Variants in ZC3H6 observed in about 807,000 individuals in gnomAD.
The protein encoded by ZC3H6 is zinc finger CCCH domain-containing protein 6.
A neutral mutation model predicts 107.7 loss-of-function variants in ZC3H6; 40 were observed. The ratio of observed to expected loss-of-function variants is 0.37; its 90% confidence interval spans 0.29 to 0.48. The LOEUF is 0.48. Among genes scored for constraint, ZC3H6 ranks in the 20% least tolerant of loss-of-function variants. ZC3H6 has a pLI of 0.98. For synonymous variants in ZC3H6, 493 were observed against 487.9 expected (o/e 1.01, Z -0.14); for missense variants, 1,267 against 1,410.4 (o/e 0.90, Z 1.63).
At position 112,335,789 on chromosome 2, in the gene ZC3H6, T is replaced by A. The variant is rs1290328992; in HGVS notation, c.*3301T>A. 6.6e-6 allele frequency: 1 copy of A among 152,168 alleles called. No homozygotes were observed. Among genetic ancestry groups the A allele is most frequent in the East Asian group, 1.9e-4 (1 of 5,200 alleles). 9.4% of individuals were successfully genotyped at this position (152,168 alleles called of 1,614,324 possible). ...AATTTCCTGAGAGGTTGAGTGAATA[T>A]TAACCCATCAAGTTAGCAATTTCCT... is the stretch of plus-strand genomic sequence containing the variant. On this transcript the variant is annotated 3_prime_UTR_variant, in exon 12 of 12. Coordinates refer to ENST00000409871, the MANE Select transcript of ZC3H6 (RefSeq NM_198581.3).
intron 1 of ZC3H6, among the ~76,000 whole-genome samples, chr2:112,287,385 T>G (rs1311152368): frequency 6.6e-6 from 1 of 152,230 alleles, no homozygotes. Context: ...GTTTGACTTA[T>G]TCATGCAATA....
intron 11 of ZC3H6, among the ~76,000 whole-genome samples, chr2:112,326,761 C>T (rs746466363): frequency 1.3e-5 from 2 of 152,116 alleles, no homozygotes; most frequent in Non-Finnish European, 2.9e-5. Context: ...TACAGGTGTG[C>T]ACCACCATGC....
chr2:112,325,342 A>T, intron 11 of ZC3H6, 145 bp downstream of exon 11: 1 of 720,326 alleles, frequency 1.4e-6, no homozygotes, highest in Non-Finnish European at 2.3e-6. Flanking sequence ...AAAAATGCAA[A>T]AATTAGGTGG....
chr2:112,285,062 T>A (rs1178491941), intron 1 of ZC3H6, among the ~76,000 whole-genome samples: 1 of 152,226 alleles, frequency 6.6e-6, no homozygotes. Context: ...TGCTTTGTAT[T>A]TTTCGTTAAA....
intron 11 of ZC3H6, among the ~76,000 whole-genome samples, chr2:112,327,518 G>A (rs555888070): frequency 3.9e-5 from 6 of 152,104 alleles, no homozygotes; most frequent in Admixed American, 2.6e-4. Flanking sequence ...AACTTGATGT[G>A]ATCCCATTTG....
rs1677191459 is a variant in ZC3H6 at position 112,338,893 on chromosome 2, ATATATATATATATATATATAAT to A, written c.*6407_*6428del. 5.7e-5 allele frequency: 1 copy of A among 17,678 alleles called. No individual in the cohort carries two copies. Among genetic ancestry groups the A allele is most frequent in the African/African-American group, 8.6e-4 (1 of 1,158 alleles). The allele number at this position is 17,678 out of a possible 1,614,324, so 1.1% of individuals were successfully genotyped here. On this transcript the variant is annotated 3_prime_UTR_variant, in exon 12 of 12. Transcript: ENST00000409871. ...TATATATATATATATATATATATATATATATATATATATATATATAATTTTTTTTTTTTGAGACGGAGTCTTG... is the reference window on the plus strand; with the variant it reads ...TATATATATATATATATATATATATATTTTTTTTTTTGAGACGGAGTCTTG...
rs1367394023 is a variant in ZC3H6 at position 112,331,596 on chromosome 2, A to T, written c.2678A>T (p.Asp893Val). 1 of 1,613,826 alleles carries T rather than the reference A, an allele frequency of 6.2e-7. No individual in the cohort carries two copies. The highest frequency in any genetic ancestry group is 2.2e-5 in the East Asian group (1 of 44,896). Reference sequence around the variant, plus strand: ...CTTCCAGTACCTTTACCTAAACCTGATCCAGTGTCTTCAATCAATTTACCT... The same window carrying T: ...CTTCCAGTACCTTTACCTAAACCTGTTCCAGTGTCTTCAATCAATTTACCT... Reference protein sequence around the residue: ...DLLPVPLPKPDPVSSINLPLP... With the variant: ...DLLPVPLPKPVPVSSINLPLP... Residue 893 changes from aspartate to valine, a missense_variant, in exon 12 of 12, where the codon GAT becomes GTT. Asp to Val is a radical substitution (Grantham distance 152, BLOSUM62 -3). Around this residue, in one of 3 missense-constraint regions of ZC3H6, gnomAD observed 925 missense variants for 1,025.7 expected, o/e 0.90. Transcript: ENST00000409871.
Position 112,324,460 on chromosome 2 carries a change from C to G in ZC3H6, c.1649C>G (p.Ala550Gly). The change falls in exon 10 of 12, where the codon GCT (alanine) becomes GGT (glycine). Residue 550 changes from alanine to glycine, a missense_variant. Physicochemically the swap from Ala to Gly is moderately conservative, Grantham distance 60. Coordinates refer to ENST00000409871, the MANE Select transcript of ZC3H6 (RefSeq NM_198581.3). ...TTGACACCACCAAGTATGGGTGGGG[C>G]TTACCACTCCCCAGGCTTTCCAGGA... is the stretch of plus-strand genomic sequence containing the variant. ...TSLTPPSMGG[A>G]YHSPGFPGHV... is the part of the protein sequence containing the mutation. The G allele has an allele frequency of 6.2e-7, 1 of 1,613,926 alleles. No individual in the cohort carries two copies. The highest frequency in any genetic ancestry group is 1.3e-5 in the African/African-American group (1 of 75,052).
chr2:112,319,316 A>G (rs2104718743), intron 7 of ZC3H6, among the ~76,000 whole-genome samples: 1 of 152,204 alleles, frequency 6.6e-6, no homozygotes, highest in Admixed American at 6.5e-5. Flanking sequence ...CCTGGGTAAC[A>G]TAGTGAGACA....
intron 11 of ZC3H6, among the ~76,000 whole-genome samples, chr2:112,326,900 A>C (rs768942441): frequency 6.6e-6 from 1 of 152,114 alleles, no homozygotes; most frequent in Non-Finnish European, 1.5e-5. Flanking sequence ...GGTGTGCGCC[A>C]CCGTGCCTGG....
At chr2:112,289,322 C>T (rs996406446) in intron 1 of ZC3H6, among the ~76,000 whole-genome samples, 558 of 65,062 alleles carry the variant, frequency 8.6e-3, no homozygotes, top group Middle Eastern at 0.023. Flanking sequence ...TTTTCTTTTT[C>T]TTTTTTTTTT....
At chr2:112,323,478 C>G (rs1472346609) in intron 9 of ZC3H6, among the ~76,000 whole-genome samples, 2 of 152,090 alleles carry the variant, frequency 1.3e-5, no homozygotes, top group Non-Finnish European at 2.9e-5. Context: ...TCATTTGAAC[C>G]ATTAAAAGTA....
At chr2:112,276,074 C>T in intron 1 of ZC3H6, 48 bp downstream of exon 1, 5 of 1,525,758 alleles carry the variant, frequency 3.3e-6, no homozygotes, top group Non-Finnish European at 4.4e-6. Context: ...GAGGAGGGGT[C>T]TGGGGCGGCG....
intron 3 of ZC3H6, 40 bp downstream of exon 3, chr2:112,303,391 C>T: frequency 6.7e-7 from 1 of 1,503,238 alleles, no homozygotes; most frequent in Admixed American, 1.8e-5. Context: ...ACATAGATAG[C>T]ATAAAATGTA....
chr2:112,312,111 CTAATT>C (rs1371757953), intron 5 of ZC3H6, 174 bp downstream of exon 5: 16 of 586,170 alleles, frequency 2.7e-5, no homozygotes, highest in Non-Finnish European at 4.0e-5. Context: ...AGTTGTGAAA[CTAATT>C]TACAGATTTT....
In ZC3H6 at chr2:112,322,861, T is replaced by A; in HGVS notation, c.1299T>A (p.Val433=). The change falls in exon 9 of 12, where the codon GTT becomes GTA. Residue 433 remains valine, a synonymous_variant. Coordinates refer to ENST00000409871, the MANE Select transcript of ZC3H6 (RefSeq NM_198581.3). Reference sequence around the variant, plus strand: ...AAATTCCATCTCTTTTTGAAATAGTTGTAAAACCTACTGTGGATTTAGCGC... The same window carrying A: ...AAATTCCATCTCTTTTTGAAATAGTAGTAAAACCTACTGTGGATTTAGCGC... ...FRKIPSLFEI[V]VKPTVDLAHK... The A allele has an allele frequency of 1.2e-6, 2 of 1,612,252 alleles. No individual in the cohort carries two copies. The highest frequency in any genetic ancestry group is 1.7e-6 in the Non-Finnish European group (2 of 1,179,396).
chr2:112,298,599 A>G (rs1676295824), intron 1 of ZC3H6, among the ~76,000 whole-genome samples: 3 of 152,254 alleles, frequency 2.0e-5, no homozygotes, highest in Admixed American at 2.0e-4. Context: ...CAACCAAAGA[A>G]TTACTTCATG....
chr2:112,300,002 C>T lies in ZC3H6; in HGVS notation c.186C>T (p.Ser62=). ...KHKKEREKKK[S]KRRKREKHKH... ...AGAAAGAGAGAGAGAAGAAAAAATC[C>T]AAAAGGAGAAAACGTGAGAAACATA... Residue 62 remains serine (S), a synonymous_variant, in exon 2 of 12, where the codon TCC becomes TCT. Transcript: ENST00000409871. 6.8e-7 allele frequency: 1 copy of T among 1,464,022 alleles called. No homozygotes were observed. The highest frequency in any genetic ancestry group is 9.0e-7 in the Non-Finnish European group (1 of 1,109,996). 90.7% of individuals were successfully genotyped at this position (1,464,022 alleles called of 1,614,324 possible).
intron 1 of ZC3H6, among the ~76,000 whole-genome samples, chr2:112,291,191 CTGTGATTA>C (rs1676106931): frequency 6.6e-6 from 1 of 152,208 alleles, no homozygotes; most frequent in South Asian, 2.1e-4. Context: ...AGAATTTTAA[CTGTGATTA>C]TGTGATTATT....
Sources: allele counts gnomAD v4.1 joint callset (sites outside exome capture counted in the v4.1 genomes callset), GRCh38; gene constraint gnomAD v4.1.1; regional missense constraint gnomAD v4.1.1; transcripts MANE v1.5; gene names NCBI Gene and HGNC (gene_info 2026-07-23, HGNC 2026-07-21).